ACACA: variants seen among roughly 807,000 people sequenced by gnomAD.
The protein encoded by ACACA is acetyl-CoA carboxylase 1.
A neutral mutation model predicts 296.1 loss-of-function variants in ACACA; 103 were observed. The observed-to-expected ratio is 0.35, with a 90% CI of 0.30 to 0.41. The LOEUF (loss-of-function observed/expected upper bound fraction) is 0.41, where lower values mean the gene tolerates loss of function less well. ACACA is among the 10% of genes least tolerant of loss of function. ACACA has a pLI of 1.00. For synonymous variants in ACACA, 953 were observed against 1,038.6 expected, an observed-to-expected ratio of 0.92 and a Z score of 1.58; for missense variants, 1,554 against 2,989.7, an observed-to-expected ratio of 0.52 and a Z score of 11.20.
chr17:37,281,691 C>T lies in ACACA; in HGVS notation c.610+1576G>A, dbSNP rs2082543141. On this transcript the variant is annotated intron_variant, in intron 5 of 55. Coordinates refer to ENST00000616317, the MANE Select transcript of ACACA (RefSeq NM_198834.3). ...GACCATCCTGGCCAACATGGTGAAA[C>T]CCTGTCTCTACTAAAAATACAAAAA... Among the ~76,000 whole-genome samples, 3 of 152,020 alleles carry T rather than the reference C, an allele frequency of 2.0e-5. No homozygotes were observed. In the South Asian group the frequency reaches 6.3e-4, roughly 32 times the overall value.
chr17:37,188,155 TA>T, intron 39 of ACACA, 121 bp downstream of exon 39: 1 of 953,200 alleles, frequency 1.0e-6, no homozygotes, highest in Non-Finnish European at 1.7e-6. Flanking sequence ...TTTAATCTTA[TA>T]GAGGATAATC....
chr17:37,175,999 C>A (rs1010459794), intron 41 of ACACA, among the ~76,000 whole-genome samples: 5 of 152,172 alleles, frequency 3.3e-5, no homozygotes, highest in South Asian at 2.1e-4. Context: ...CAATATTCCT[C>A]CTCAAATGGC....
intron 30 of ACACA, among the ~76,000 whole-genome samples, chr17:37,210,066 G>A (rs1186573415): frequency 6.6e-6 from 1 of 152,176 alleles, no homozygotes; most frequent in Non-Finnish European, 1.5e-5. Flanking sequence ...AAGCAAATTA[G>A]AGAAACTAAA....
At chr17:37,399,200 C>T (rs1008892115) in intron 1 of ACACA, among the ~76,000 whole-genome samples, 12 of 151,910 alleles carry the variant, frequency 7.9e-5, no homozygotes, top group African/African-American at 2.9e-4. Context: ...AGGCTGGTCT[C>T]GAACTCCTGA....
intron 1 of ACACA, among the ~76,000 whole-genome samples, chr17:37,382,818 C>T (rs986769452): frequency 2.6e-5 from 4 of 152,154 alleles, no homozygotes; most frequent in African/African-American, 9.7e-5. Flanking sequence ...TGAGATCACG[C>T]CACTGCACTC....
intron 38 of ACACA, among the ~76,000 whole-genome samples, chr17:37,190,028 AG>A (rs2077687980): frequency 6.9e-6 from 1 of 144,082 alleles, no homozygotes; most frequent in South Asian, 2.4e-4. Flanking sequence ...AAAAAGAAAA[AG>A]AAAAAAAAAA....
At chr17:37,134,080 T>C (rs1168156422) in intron 45 of ACACA, among the ~76,000 whole-genome samples, 1 of 152,186 alleles carries the variant, frequency 6.6e-6, no homozygotes, top group Non-Finnish European at 1.5e-5. Context: ...GAGACACAAT[T>C]GTTAAAGGCT....
At chr17:37,256,981 TTAGA>T (rs1463234909) in intron 14 of ACACA, among the ~76,000 whole-genome samples, 1 of 152,144 alleles carries the variant, frequency 6.6e-6, no homozygotes, top group Non-Finnish European at 1.5e-5. Context: ...AGTTTCAATT[TTAGA>T]TAGATATTCC....
chr17:37,377,792 C>T, intron 1 of ACACA: 1 of 1,087,314 alleles, frequency 9.2e-7, no homozygotes, highest in South Asian at 1.4e-5. Context: ...TCTCCATTGC[C>T]CAGAATTCTA....
chr17:37,342,456 TATAC>T (rs1298863073), intron 1 of ACACA, among the ~76,000 whole-genome samples: 7 of 107,560 alleles, frequency 6.5e-5, no homozygotes, highest in African/African-American at 1.7e-4. Context: ...TATATATATA[TATAC>T]ACACACACAC....
Position 37,163,303 on chromosome 17 carries a change from C to T in ACACA, c.5080-1253G>A, listed in dbSNP as rs1438382110. 5.3e-5 allele frequency among the ~76,000 whole-genome samples: 8 copies of T among 151,048 alleles called. No homozygotes were observed. The Admixed American group carries it at 5.3e-4, about 10-fold the overall frequency. On this transcript the variant is annotated intron_variant, in intron 41 of 55. Coordinates refer to ENST00000616317, the MANE Select transcript of ACACA (RefSeq NM_198834.3). Reference sequence around the variant, plus strand: ...TCTCACCATGTCATGTGCTGGGTCCCCCTTCACCTTCCTCCAAGATCATAA... The same window carrying T: ...TCTCACCATGTCATGTGCTGGGTCCTCCTTCACCTTCCTCCAAGATCATAA...
intron 9 of ACACA, among the ~76,000 whole-genome samples, chr17:37,272,343 A>C (rs972315995): frequency 2.0e-5 from 3 of 152,206 alleles, no homozygotes; most frequent in Non-Finnish European, 2.9e-5. Flanking sequence ...ACTCCAACCC[A>C]AAAAAATAAA....
In ACACA at chr17:37,248,675, C is replaced by T. The variant is rs2080834436; in HGVS notation, c.2082-1G>A. On this transcript the variant is annotated splice_acceptor_variant, in intron 16 of 55. Coordinates refer to ENST00000616317, the MANE Select transcript of ACACA (RefSeq NM_198834.3). LOFTEE classifies it high-confidence loss of function. Reference sequence around the variant, plus strand: ...TGTATGAGCAGGAAGGACTTGACCCCTGAAAGAACGATGAGAGAGGAACTT... The same window carrying T: ...TGTATGAGCAGGAAGGACTTGACCCTTGAAAGAACGATGAGAGAGGAACTT... The T allele has an allele frequency of 6.2e-7, 1 of 1,604,214 alleles. No individual in the cohort carries two copies. The highest frequency in any genetic ancestry group is 8.5e-7 in the Non-Finnish European group (1 of 1,172,334).
chr17:37,209,700 C>A (rs992902921), intron 30 of ACACA, among the ~76,000 whole-genome samples: 6 of 152,326 alleles, frequency 3.9e-5, no homozygotes, highest in African/African-American at 1.4e-4. Context: ...AATAGTTCCA[C>A]GTGTAGCTGA....
chr17:37,301,412 G>A (rs2083610291), intron 3 of ACACA: 74 of 985,236 alleles, frequency 7.5e-5, no homozygotes, highest in Non-Finnish European at 8.9e-5. Flanking sequence ...AGCCCACACT[G>A]ATCCCAGCAT....
chr17:37,332,633 G>A (rs1026310745), intron 2 of ACACA, among the ~76,000 whole-genome samples: 3 of 151,138 alleles, frequency 2.0e-5, no homozygotes, highest in South Asian at 4.2e-4. Flanking sequence ...AAGATTGGCC[G>A]GACGCGGTGG....
At chr17:37,367,405 G>A (rs1315041655) in intron 1 of ACACA, among the ~76,000 whole-genome samples, 1 of 151,994 alleles carries the variant, frequency 6.6e-6, no homozygotes, top group East Asian at 1.9e-4. Context: ...TCTCAAGAGC[G>A]GCAGCAACTC....
chr17:37,363,324 T>A (rs1381936140), intron 1 of ACACA, among the ~76,000 whole-genome samples: 1 of 151,260 alleles, frequency 6.6e-6, no homozygotes, highest in Non-Finnish European at 1.5e-5. Flanking sequence ...CTGGGATTAC[T>A]GGCGCGTGCC....
intron 1 of ACACA, among the ~76,000 whole-genome samples, chr17:37,398,379 T>C (rs1177109172): frequency 5.4e-5 from 7 of 129,838 alleles, no homozygotes; most frequent in South Asian, 2.9e-4. Flanking sequence ...CTCCGCCTCC[T>C]GGGTTCAAGT....
Sources: allele counts gnomAD v4.1 joint callset (sites outside exome capture counted in the v4.1 genomes callset), GRCh38; gene constraint gnomAD v4.1.1; transcripts MANE v1.5; gene names NCBI Gene and HGNC (gene_info 2026-07-23, HGNC 2026-07-21).